The following UGT2A1 variants were observed in gnomAD, a reference collection of about 807,000 sequenced individuals.
The protein encoded by UGT2A1 is UDP glucuronosyltransferase family 2 member A1 complex locus.
In UGT2A1, 61 loss-of-function variants were observed where a neutral mutation model predicts 45.4. The ratio of observed to expected loss-of-function variants is 1.34; its 90% confidence interval spans 1.09 to 1.66. The LOEUF (loss-of-function observed/expected upper bound fraction) is 1.66. Ranked by LOEUF, UGT2A1 falls within the 40% of genes most tolerant of loss-of-function variation. UGT2A1 has a pLI of 0.00. For missense variants in UGT2A1, 649 were observed against 574.3 expected (o/e 1.13, Z -1.33); for synonymous variants, 229 against 196.2 (o/e 1.17, Z -1.40).
chr4:69,599,458 A>G, intron 3 of UGT2A1, 64 bp from the exon 4 acceptor site: 2 of 1,581,048 alleles, frequency 1.3e-6, no homozygotes, highest in Non-Finnish European at 1.7e-6. Flanking sequence ...GGAGAAAAAA[A>G]AGCTACCAGT....
intron 1 of UGT2A1, among the ~76,000 whole-genome samples, chr4:69,652,664 A>G (rs1014659767): frequency 6.6e-6 from 1 of 152,172 alleles, no homozygotes; most frequent in Non-Finnish European, 1.5e-5. Flanking sequence ...AAGTAAATAG[A>G]TTTTAAAATA....
intron 3 of UGT2A1, among the ~76,000 whole-genome samples, chr4:69,630,601 A>C (rs1229711099): frequency 6.6e-6 from 1 of 152,176 alleles, no homozygotes. Context: ...GGAATTATAA[A>C]ATAGGCCTCT....
chr4:69,610,858 T>C (rs1719993200), intron 3 of UGT2A1, among the ~76,000 whole-genome samples: 1 of 152,158 alleles, frequency 6.6e-6, no homozygotes, highest in Middle Eastern at 3.2e-3. Context: ...CTTGTATTAG[T>C]TTGCTAGCAC....
chr4:69,639,101 C>T, intron 2 of UGT2A1: 2 of 1,613,520 alleles, frequency 1.2e-6, no homozygotes, highest in Non-Finnish European at 1.7e-6. Flanking sequence ...GAGAGAACCT[C>T]AATGTGTACA....
At chr4:69,607,235 A>T (rs1424047553) in intron 3 of UGT2A1, among the ~76,000 whole-genome samples, 13 of 150,226 alleles carry the variant, frequency 8.7e-5, no homozygotes, top group Admixed American at 2.0e-4. Context: ...AGACCAATGG[A>T]ACAGAACAGA....
At chr4:69,630,257 G>T (rs939855817) in intron 3 of UGT2A1, among the ~76,000 whole-genome samples, 6 of 151,840 alleles carry the variant, frequency 4.0e-5, no homozygotes, top group Non-Finnish European at 8.8e-5. Context: ...TTTTTCTCCT[G>T]CAATTTTTGA....
intron 3 of UGT2A1, among the ~76,000 whole-genome samples, chr4:69,634,391 T>TG (rs1485197021): frequency 6.6e-6 from 1 of 151,656 alleles, no homozygotes; most frequent in Non-Finnish European, 1.5e-5. Flanking sequence ...AGGGAAAGGG[T>TG]GGGAAGCAGG....
At chr4:69,593,739 A>G (rs937334854) in intron 6 of UGT2A1, among the ~76,000 whole-genome samples, 1 of 151,830 alleles carries the variant, frequency 6.6e-6, no homozygotes, top group Non-Finnish European at 1.5e-5. Context: ...GTGTGTATAC[A>G]TATACTAATT....
chr4:69,590,620 A>G (rs1441888253), intron 6 of UGT2A1, among the ~76,000 whole-genome samples: 2 of 148,694 alleles, frequency 1.3e-5, no homozygotes, highest in Non-Finnish European at 3.0e-5. Flanking sequence ...CAGCAGCAGG[A>G]GTAGTTTACA....
intron 3 of UGT2A1, among the ~76,000 whole-genome samples, chr4:69,620,291 G>GA (rs112020407): frequency 0.36 from 53,274 of 147,970 alleles, 9,702 homozygotes; most frequent in African/African-American, 0.45. Flanking sequence ...AAAGTTTCAG[G>GA]AAAAAAAATC....
At chr4:69,605,761 A>C (rs1223391633) in intron 3 of UGT2A1, among the ~76,000 whole-genome samples, 1 of 137,172 alleles carries the variant, frequency 7.3e-6, no homozygotes. Context: ...ATCCCACAGA[A>C]ATACAAAGTA....
rs906225226 is a variant in UGT2A1 at position 69,601,793 on chromosome 4, A to G, written c.848-2399T>C. Among the ~76,000 whole-genome samples, 15 of 93,182 alleles carry G rather than the reference A, an allele frequency of 1.6e-4. 4 individuals are homozygous for G. Among genetic ancestry groups the G allele is most frequent in the African/African-American group, 7.8e-4 (15 of 19,306 alleles). The allele number at this position is 93,182 out of a possible 152,430, so 61.1% of individuals were successfully genotyped here. A position where few individuals can be genotyped will look rare whatever the true frequency, so the allele number is the denominator to read the frequency against. ...GGTCATATCACTGGATCCCTTGCAG[A>G]CATTCCCTAGCACCAGTCTGGGGTG... On this transcript the variant is annotated intron_variant, in intron 3 of 6. Coordinates refer to ENST00000286604, the MANE Select transcript of UGT2A1 (RefSeq NM_001252275.3).
In UGT2A1 at chr4:69,606,411, T is replaced by C. The variant is rs572898968; in HGVS notation, c.848-7017A>G. ...AAACTCTCAATAAATTAGGTATTGATGGGATGTATCTCAAAATAATAAGAG... is the reference window on the plus strand; with the variant it reads ...AAACTCTCAATAAATTAGGTATTGACGGGATGTATCTCAAAATAATAAGAG... On this transcript the variant is annotated intron_variant, in intron 3 of 6. Transcript: ENST00000286604. 8.8e-5 allele frequency among the ~76,000 whole-genome samples: 12 copies of C among 136,602 alleles called. 1 individual carries two copies. The East Asian group carries it at 2.5e-3, about 28-fold the overall frequency. 89.6% of individuals were successfully genotyped at this position (136,602 alleles called of 152,430 possible).
chr4:69,593,725 C>G (rs1213733702), intron 6 of UGT2A1, among the ~76,000 whole-genome samples: 1 of 151,700 alleles, frequency 6.6e-6, no homozygotes, highest in East Asian at 1.9e-4. Flanking sequence ...TATCTTTTCT[C>G]TCTGTGTGTA....
chr4:69,595,015 G>T, intron 5 of UGT2A1, 147 bp downstream of exon 5: 2 of 1,167,878 alleles, frequency 1.7e-6, no homozygotes, highest in Non-Finnish European at 2.4e-6. Context: ...AAAATTAATG[G>T]CCAATTATGT....
At chr4:69,644,643 A>G (rs1722176483) in intron 2 of UGT2A1, among the ~76,000 whole-genome samples, 2 of 151,728 alleles carry the variant, frequency 1.3e-5, no homozygotes, top group Admixed American at 1.3e-4. Flanking sequence ...AGGTTTATCT[A>G]TAATCATTGT....
intron 3 of UGT2A1, among the ~76,000 whole-genome samples, chr4:69,627,177 A>G (rs1310663707): frequency 6.6e-6 from 1 of 151,932 alleles, no homozygotes; most frequent in Non-Finnish European, 1.5e-5. Flanking sequence ...AATTTTTAAC[A>G]GTAAAAATCC....
intron 3 of UGT2A1, among the ~76,000 whole-genome samples, chr4:69,616,748 T>A (rs1034733587): frequency 6.6e-6 from 1 of 151,602 alleles, no homozygotes; most frequent in Non-Finnish European, 1.5e-5. Context: ...CTATAAATCC[T>A]CCATTTAGTT....
At chr4:69,600,650 C>T (rs967324126) in intron 3 of UGT2A1, among the ~76,000 whole-genome samples, 3 of 152,022 alleles carry the variant, frequency 2.0e-5, no homozygotes, top group African/African-American at 7.3e-5. Context: ...GTTTAATTGG[C>T]TTATGGTCCC....
Sources: gnomAD v4.1 joint callset for allele counts (sites outside exome capture counted in the v4.1 genomes callset) on GRCh38, gnomAD v4.1.1 for gene constraint, MANE v1.5 for transcripts, NCBI Gene and HGNC (gene_info 2026-07-23, HGNC 2026-07-21) for gene names.